Variants in ABCA6 observed in about 807,000 individuals in gnomAD.
The protein encoded by ABCA6 is ATP binding cassette subfamily A member 6, also known as ATP-binding cassette sub-family A member 6.
Under a neutral mutation model 191.2 loss-of-function variants are expected in ABCA6, and 164 were observed. The observed-to-expected ratio is 0.86, with a 90% CI of 0.76 to 0.98. ABCA6 has a LOEUF of 0.98. Ranked by LOEUF, ABCA6 falls within the 50% of genes least tolerant of loss-of-function variation. The pLI is 0.00. For synonymous variants in ABCA6, 636 were observed against 647.7 expected (o/e 0.98, Z 0.27); for missense variants, 1,958 against 1,894.1 (o/e 1.03, Z -0.63).
At position 69,123,237 on chromosome 17, in the gene ABCA6, A is replaced by G; in HGVS notation, c.1436+2T>C. 6.9e-7 allele frequency: 1 copy of G among 1,458,876 alleles called. No homozygotes were observed. Among genetic ancestry groups the G allele is most frequent in the Non-Finnish European group, 9.2e-7 (1 of 1,091,488 alleles). 90.4% of individuals were successfully genotyped at this position (1,458,876 alleles called of 1,614,324 possible). ...ATTAGTATTACTTATAAGTGTGATTACCTGATGGCTTCTTTTCCTTGGAAT... is the reference window on the plus strand; with the variant it reads ...ATTAGTATTACTTATAAGTGTGATTGCCTGATGGCTTCTTTTCCTTGGAAT... On this transcript the variant is annotated splice_donor_variant, in intron 10 of 38. Coordinates refer to ENST00000284425, the MANE Select transcript of ABCA6 (RefSeq NM_080284.3). LOFTEE classifies it high-confidence loss of function.
intron 28 of ABCA6, among the ~76,000 whole-genome samples, chr17:69,087,835 C>T (rs1234396826): frequency 1.3e-5 from 2 of 152,172 alleles, no homozygotes; most frequent in African/African-American, 4.8e-5. Context: ...TTTCTACAGC[C>T]CTCCATTTTT....
intron 22 of ABCA6, among the ~76,000 whole-genome samples, chr17:69,098,916 G>T (rs1352195753): frequency 1.3e-5 from 2 of 152,074 alleles, no homozygotes; most frequent in African/African-American, 4.8e-5. Context: ...CTGTACACTT[G>T]CAAACAGCTA....
At chr17:69,140,040 A>G (rs2074005015) in intron 2 of ABCA6, among the ~76,000 whole-genome samples, 1 of 151,948 alleles carries the variant, frequency 6.6e-6, no homozygotes, top group Non-Finnish European at 1.5e-5. Flanking sequence ...TGGCACATGT[A>G]TATGTATGTA....
intron 21 of ABCA6, among the ~76,000 whole-genome samples, chr17:69,101,857 C>A (rs1275516025): frequency 6.6e-6 from 1 of 152,090 alleles, no homozygotes; most frequent in Non-Finnish European, 1.5e-5. Context: ...AAGTAATTTC[C>A]CAAAACTGGC....
At chr17:69,106,553 AC>A (rs2144659723) in intron 18 of ABCA6, among the ~76,000 whole-genome samples, 1 of 140,462 alleles carries the variant, frequency 7.1e-6, no homozygotes, top group East Asian at 2.1e-4. Flanking sequence ...AGATTGCACC[AC>A]TGCACTCCAG....
intron 6 of ABCA6, among the ~76,000 whole-genome samples, chr17:69,130,707 G>A (rs1025967818): frequency 1.1e-4 from 17 of 152,058 alleles, no homozygotes; most frequent in Admixed American, 2.6e-4. Flanking sequence ...TTGCCATACC[G>A]TCCTAATTGT....
chr17:69,098,843 G>A (rs1051678943), intron 22 of ABCA6, among the ~76,000 whole-genome samples: 16 of 152,062 alleles, frequency 1.1e-4, no homozygotes, highest in Admixed American at 5.9e-4. Flanking sequence ...TTTCAATTCC[G>A]CAAGACGGCA....
chr17:69,136,797 T>C (rs1156540073), intron 3 of ABCA6, among the ~76,000 whole-genome samples: 1 of 152,176 alleles, frequency 6.6e-6, no homozygotes, highest in Non-Finnish European at 1.5e-5. Context: ...ATCATAATGA[T>C]CTCATTTAGA....
chr17:69,133,927 G>C, intron 5 of ABCA6, 60 bp from the exon 6 acceptor site: 1 of 1,159,300 alleles, frequency 8.6e-7, no homozygotes, highest in Non-Finnish European at 1.2e-6. Flanking sequence ...GGTGAACTAT[G>C]AGTAAGCTCT....
chr17:69,098,108 TG>T, intron 22 of ABCA6, 81 bp from the exon 23 acceptor site: 1 of 1,021,972 alleles, frequency 9.8e-7, no homozygotes, highest in Admixed American at 3.4e-5. Context: ...ATGCACTTTT[TG>T]AAATGTTGAA....
intron 10 of ABCA6, among the ~76,000 whole-genome samples, chr17:69,120,615 C>T (rs940552486): frequency 2.0e-5 from 3 of 152,028 alleles, no homozygotes; most frequent in African/African-American, 7.2e-5. Flanking sequence ...TGAGTCTCAC[C>T]AGGTATTTTA....
chr17:69,091,765 G>A (rs1389551633), intron 25 of ABCA6, among the ~76,000 whole-genome samples: 1 of 135,366 alleles, frequency 7.4e-6, no homozygotes, highest in East Asian at 2.0e-4. Flanking sequence ...CTCGTGATCC[G>A]CCCGCCTCGG....
intron 30 of ABCA6, 58 bp downstream of exon 30, chr17:69,086,560 G>T: frequency 1.8e-6 from 2 of 1,086,904 alleles, no homozygotes; most frequent in Non-Finnish European, 1.4e-6. Flanking sequence ...CTATGACATA[G>T]ATGTTCGGTA....
intron 37 of ABCA6, among the ~76,000 whole-genome samples, chr17:69,080,486 G>C (rs749342003): frequency 2.0e-4 from 30 of 152,164 alleles, no homozygotes; most frequent in Admixed American, 1.4e-3. Context: ...ATGATGACAG[G>C]AGAGAGAGTG....
At position 69,133,660 on chromosome 17, in the gene ABCA6, G is replaced by C; in HGVS notation, c.772C>G (p.Leu258Val). 1 of 1,597,156 alleles carries C rather than the reference G, an allele frequency of 6.3e-7. No homozygotes were observed. The highest frequency in any genetic ancestry group is 8.6e-7 in the Non-Finnish European group (1 of 1,168,330). ...KSKNLMKMMG[L>V]QDSAFWLSWG... Reference sequence around the variant, plus strand: ...ACTCACCAGAATGCTGAATCTTGGAGACCCATCATTTTCATCAAATTCTTA... The same window carrying C: ...ACTCACCAGAATGCTGAATCTTGGACACCCATCATTTTCATCAAATTCTTA... The change falls in exon 6 of 39, where the codon CTC becomes GTC. Residue 258 changes from leucine (L) to valine (V), a missense_variant. Transcript: ENST00000284425.
At position 69,084,257 on chromosome 17, in the gene ABCA6, T is replaced by C; in HGVS notation, c.4355+4A>G. ...TCGCAGCTCTGGGGTATAATGATGC[T>C]CACCACATTTGCTGCTGCCCTGTGG... is the stretch of plus-strand genomic sequence containing the variant. On this transcript the variant is annotated splice_donor_region_variant and intron_variant, in intron 34 of 38. Coordinates refer to ENST00000284425, the MANE Select transcript of ABCA6 (RefSeq NM_080284.3). 6.2e-7 allele frequency: 1 copy of C among 1,613,884 alleles called. No individual in the cohort carries two copies. The highest frequency in any genetic ancestry group is 8.5e-7 in the Non-Finnish European group (1 of 1,179,784).
chr17:69,115,174 T>A lies in ABCA6; in HGVS notation c.1606+202A>T, dbSNP rs180737852. On this transcript the variant is annotated intron_variant, in intron 12 of 38. Coordinates refer to ENST00000284425, the MANE Select transcript of ABCA6 (RefSeq NM_080284.3). The stretch of plus-strand genomic sequence containing the variant: ...AGAACTGCACATCTACCCTGAAATA[T>A]CACACAATGGAATAAAGATAATAAT... Among the ~76,000 whole-genome samples, 273 of 152,212 alleles carry A rather than the reference T, an allele frequency of 1.8e-3. 2 individuals are homozygous for A. Among genetic ancestry groups the A allele is most frequent in the African/African-American group, 6.2e-3 (258 of 41,536 alleles).
intron 13 of ABCA6, 42 bp downstream of exon 13, chr17:69,114,720 T>C (rs549957484): frequency 6.5e-7 from 1 of 1,533,018 alleles, no homozygotes; most frequent in African/African-American, 1.4e-5. Context: ...TTTAATTTGG[T>C]AAGTGGTTGG....
rs1260700107 is a variant in ABCA6 at position 69,104,676 on chromosome 17, A to C, written c.2740+786T>G. 5.6e-4 allele frequency: 85 copies of C among 150,496 alleles called. 1 individual carries two copies. The highest frequency in any genetic ancestry group is 6.8e-3 in the Middle Eastern group (2 of 292). The allele number at this position is 150,496 out of a possible 1,614,324, so 9.3% of individuals were successfully genotyped here. On this transcript the variant is annotated intron_variant, in intron 20 of 38. Transcript: ENST00000284425. ...GTTAGGAAAAAAACAAAAAAACAAA[A>C]AAACAATTACTGGCCGGGCGCAGTG...
Sources: allele counts gnomAD v4.1 joint callset (sites outside exome capture counted in the v4.1 genomes callset), GRCh38; gene constraint gnomAD v4.1.1; transcripts MANE v1.5; gene names NCBI Gene and HGNC (gene_info 2026-07-23, HGNC 2026-07-21).